PRDM16: variants seen among roughly 807,000 people sequenced by gnomAD.
PRDM16 encodes the protein PR/SET domain 16.
Under a neutral mutation model 110.6 loss-of-function variants are expected in PRDM16, and 23 were observed. The observed-to-expected ratio is 0.21, with a 90% confidence interval of 0.15 to 0.29. PRDM16 has a LOEUF of 0.29. PRDM16 is among the 10% of genes least tolerant of loss of function. The probability of loss-of-function intolerance (pLI) is 1.00; values close to 1 mark genes in which losing one functional copy is unlikely to be tolerated. For synonymous variants in PRDM16, 799 were observed against 781.8 expected, an observed-to-expected ratio of 1.02 and a Z score of -0.37; for missense variants, 1,615 against 1,794.3, an observed-to-expected ratio of 0.90 and a Z score of 1.81.
At chr1:3,351,963 C>T (rs76822965) in intron 3 of PRDM16, among the ~76,000 whole-genome samples, 2,955 of 151,840 alleles carry the variant, frequency 0.019, 91 homozygotes, top group African/African-American at 0.064. Flanking sequence ...CAGCCTCGCC[C>T]AGACCCTCCA....
chr1:3,192,098 G>A (rs1178412868), intron 2 of PRDM16, among the ~76,000 whole-genome samples: 1 of 152,182 alleles, frequency 6.6e-6, no homozygotes, highest in African/African-American at 2.4e-5. Context: ...CCTCCTGAAT[G>A]TCCTGTCAGC....
chr1:3,173,775 T>G (rs1323719155), intron 1 of PRDM16, among the ~76,000 whole-genome samples: 1 of 152,146 alleles, frequency 6.6e-6, no homozygotes, highest in East Asian at 1.9e-4. Flanking sequence ...CAGGCTGTCA[T>G]GGGGCCGAGG....
intron 3 of PRDM16, among the ~76,000 whole-genome samples, chr1:3,267,595 C>G (rs137978473): frequency 7.5e-4 from 114 of 152,336 alleles, no homozygotes; most frequent in African/African-American, 2.7e-3. Context: ...AGTGGCTATA[C>G]CATTTCACAT....
At position 3,359,346 on chromosome 1, in the gene PRDM16, CA is replaced by C. The variant is rs1465107404; in HGVS notation, c.439-25805del. Among the ~76,000 whole-genome samples, 6 of 152,208 alleles carry C rather than the reference CA, an allele frequency of 3.9e-5. No homozygotes were observed. Among genetic ancestry groups the C allele is most frequent in the Non-Finnish European group, 4.4e-5 (3 of 68,034 alleles). On this transcript the variant is annotated intron_variant, in intron 3 of 16. Coordinates refer to ENST00000270722, the MANE Select transcript of PRDM16 (RefSeq NM_022114.4). The surrounding 1 kb of genome is among the most constrained non-coding windows in gnomAD (Gnocchi z 4.3). ...TCCTGGATGTCAATGTCCATGAAAA[CA>C]GCCTCAGAACTATCAGGGTCTCCCT... is the stretch of plus-strand genomic sequence containing the variant.
At chr1:3,381,613 A>ACTCCTGAC (rs892636302) in intron 3 of PRDM16, among the ~76,000 whole-genome samples, 2 of 151,112 alleles carry the variant, frequency 1.3e-5, no homozygotes, top group African/African-American at 4.9e-5. Context: ...CTGGTCTTGA[A>ACTCCTGAC]CTCCTGACCT....
intron 2 of PRDM16, among the ~76,000 whole-genome samples, chr1:3,211,285 A>G (rs1046179157): frequency 6.6e-6 from 1 of 152,192 alleles, no homozygotes; most frequent in Non-Finnish European, 1.5e-5. Context: ...AGCGTAGCCA[A>G]TGCCGATTTT....
chr1:3,323,006 C>G, intron 3 of PRDM16, among the ~76,000 whole-genome samples: 1 of 152,206 alleles, frequency 6.6e-6, no homozygotes. Context: ...CCCTTTGGTC[C>G]TGGGCAGCCA....
At chr1:3,086,902 C>T (rs570088550) in intron 1 of PRDM16, among the ~76,000 whole-genome samples, 21 of 152,108 alleles carry the variant, frequency 1.4e-4, no homozygotes, top group South Asian at 6.2e-4. Context: ...AGCAATTAAG[C>T]GATGGAATTC....
At chr1:3,224,755 C>T (rs1003867242) in intron 2 of PRDM16, among the ~76,000 whole-genome samples, 1 of 152,222 alleles carries the variant, frequency 6.6e-6, no homozygotes, top group Admixed American at 6.5e-5. Flanking sequence ...CAGGGGGAAC[C>T]CCTACTGTGA....
chr1:3,289,259 C>A (rs541358419), intron 3 of PRDM16, among the ~76,000 whole-genome samples: 1 of 152,328 alleles, frequency 6.6e-6, no homozygotes, highest in African/African-American at 2.4e-5. Context: ...GGCCCAAGCC[C>A]CCTGCCTAGG....
chr1:3,153,993 A>G (rs183609114), intron 1 of PRDM16, among the ~76,000 whole-genome samples: 281 of 152,328 alleles, frequency 1.8e-3, no homozygotes, highest in Middle Eastern at 3.4e-3. Flanking sequence ...TTCTGAAGCA[A>G]TTAGGCTGAC....
intron 3 of PRDM16, among the ~76,000 whole-genome samples, chr1:3,334,770 C>T (rs574743505): frequency 2.0e-5 from 3 of 152,204 alleles, no homozygotes; most frequent in Non-Finnish European, 4.4e-5. Context: ...GCCAAGTGCT[C>T]GCCGGGAACA....
In PRDM16 at chr1:3,336,776, C is replaced by G. The variant is rs112784134; in HGVS notation, c.439-48376C>G. Among the ~76,000 whole-genome samples, 960 of 148,808 alleles carry G rather than the reference C, an allele frequency of 6.5e-3. 23 individuals carry two copies. Among genetic ancestry groups the G allele is most frequent in the African/African-American group, 0.023 (913 of 40,224 alleles). ...CATGCACATGTGTGTTGGTGTGAAT[C>G]TGTGTGTGAATGCATGCATGCACAT... On this transcript the variant is annotated intron_variant, in intron 3 of 16. Transcript: ENST00000270722.
chr1:3,115,261 C>T (rs905998045), intron 1 of PRDM16, among the ~76,000 whole-genome samples: 1 of 152,238 alleles, frequency 6.6e-6, no homozygotes, highest in African/African-American at 2.4e-5. Flanking sequence ...CTTCAGACCC[C>T]AGCCAGCCCC....
intron 3 of PRDM16, among the ~76,000 whole-genome samples, chr1:3,374,626 C>T (rs1315497804): frequency 1.3e-5 from 2 of 152,174 alleles, no homozygotes; most frequent in African/African-American, 4.8e-5. Flanking sequence ...CTGTGCACAT[C>T]TGAGACCCTC....
At chr1:3,154,645 C>T (rs557018246) in intron 1 of PRDM16, among the ~76,000 whole-genome samples, 11 of 152,256 alleles carry the variant, frequency 7.2e-5, no homozygotes, top group Non-Finnish European at 1.3e-4. Flanking sequence ...TCCAGCTTCA[C>T]GCAGTCGGCC....
intron 3 of PRDM16, among the ~76,000 whole-genome samples, chr1:3,314,071 C>CGGGGTGGGGGGG (rs1553161918): frequency 9.9e-6 from 1 of 100,654 alleles, no homozygotes; most frequent in African/African-American, 6.1e-5. Flanking sequence ...CCTTCCCCAC[C>CGGGGTGGGGGGG]GGGGGGGGGG....
intron 1 of PRDM16, chr1:3,133,759 C>A (rs778663019): frequency 6.6e-6 from 1 of 152,198 alleles, no homozygotes; most frequent in South Asian, 2.1e-4. Flanking sequence ...GGAGAAAGCC[C>A]CATGAAGTGG....
intron 2 of PRDM16, among the ~76,000 whole-genome samples, chr1:3,189,133 C>T (rs969249890): frequency 6.6e-6 from 1 of 152,188 alleles, no homozygotes; most frequent in South Asian, 2.1e-4. Context: ...TTCCAAGTGC[C>T]GTGAACAGGG....
Sources: gnomAD v4.1 joint callset for allele counts (sites outside exome capture counted in the v4.1 genomes callset) on GRCh38, gnomAD v4.1.1 for gene constraint, Gnocchi (gnomAD v3.1) non-coding constraint, MANE v1.5 for transcripts, NCBI Gene and HGNC (gene_info 2026-07-23, HGNC 2026-07-21) for gene names.